The following RHEX variants were observed in gnomAD, a reference collection of about 807,000 sequenced individuals.
RHEX encodes regulator of hemoglobinization and erythroid cell expansion.
RHEX carries 18 observed loss-of-function variants against 20.1 expected under a neutral mutation model. The observed-to-expected ratio is 0.90, with a 90% CI of 0.62 to 1.33. RHEX has a LOEUF of 1.33. Ranked by LOEUF, RHEX falls within the 40% of genes most tolerant of loss-of-function variation. RHEX has a pLI of 0.00. For missense variants in RHEX, 192 were observed against 214.3 expected (o/e 0.90, Z 0.65); for synonymous variants, 87 against 77.1 (o/e 1.13, Z -0.67).
At chr1:206,068,674 C>A (rs184267702) in intron 1 of RHEX, among the ~76,000 whole-genome samples, 1 of 152,222 alleles carries the variant, frequency 6.6e-6, no homozygotes, top group Admixed American at 6.5e-5. Flanking sequence ...AGGGATTGAG[C>A]CAATTGTATA....
At chr1:206,063,515 C>T (rs973538945) in intron 1 of RHEX, among the ~76,000 whole-genome samples, 1 of 152,236 alleles carries the variant, frequency 6.6e-6, no homozygotes, top group African/African-American at 2.4e-5. Flanking sequence ...CCTCAGCCTG[C>T]GGAGTGCCTG....
chr1:206,081,152 A>T (rs1553285845), intron 1 of RHEX, among the ~76,000 whole-genome samples: 1 of 152,152 alleles, frequency 6.6e-6, no homozygotes, highest in Non-Finnish European at 1.5e-5. Context: ...TCATCTTCTC[A>T]TCATCGGCAA....
chr1:206,080,924 TCCC>T (rs1571864666), intron 1 of RHEX, among the ~76,000 whole-genome samples: 2 of 152,098 alleles, frequency 1.3e-5, no homozygotes, highest in East Asian at 3.9e-4. Context: ...CACCTCAGCC[TCCC>T]GAGTAGCTGG....
At chr1:206,059,606 G>A (rs551622721) in intron 1 of RHEX, among the ~76,000 whole-genome samples, 1 of 151,404 alleles carries the variant, frequency 6.6e-6, no homozygotes, top group Non-Finnish European at 1.5e-5. Flanking sequence ...GAAGGAGACT[G>A]AATGCAGATA....
At position 206,102,052 on chromosome 1, in the gene RHEX, C is replaced by G. The variant is rs1227680097; in HGVS notation, c.*100C>G. The G allele has an allele frequency of 2.4e-5, 24 of 979,740 alleles. No homozygotes were observed. The highest frequency in any genetic ancestry group is 3.8e-5 in the Non-Finnish European group (24 of 629,422). The allele number at this position is 979,740 out of a possible 1,614,324, so 60.7% of individuals were successfully genotyped here. On this transcript the variant is annotated 3_prime_UTR_variant, in exon 6 of 6. Transcript: ENST00000331555. ...CCCCTTAAACAAGGCATGGGGCTCA[C>G]AAGTCTATGGAGACAGGCCAAAAAG...
intron 1 of RHEX, among the ~76,000 whole-genome samples, chr1:206,079,246 A>G (rs921940481): frequency 2.0e-5 from 3 of 152,232 alleles, no homozygotes; most frequent in African/African-American, 2.4e-5. Flanking sequence ...GTATATCATT[A>G]CTGAAAAAGT....
At chr1:206,080,545 G>A (rs1168118412) in intron 1 of RHEX, among the ~76,000 whole-genome samples, 3 of 152,160 alleles carry the variant, frequency 2.0e-5, no homozygotes, top group South Asian at 2.1e-4. Flanking sequence ...GTGTGTTATC[G>A]ACCTCGATCA....
intron 1 of RHEX, among the ~76,000 whole-genome samples, chr1:206,071,859 CAAAAAAA>C (rs1245558004): frequency 1.1e-4 from 5 of 47,318 alleles, no homozygotes; most frequent in East Asian, 5.9e-4. Context: ...TCCAACAACT[CAAAAAAA>C]AAAAAAAAAG....
intron 1 of RHEX, among the ~76,000 whole-genome samples, chr1:206,075,035 T>G (rs569877861): frequency 3.3e-5 from 5 of 152,362 alleles, no homozygotes; most frequent in Admixed American, 3.3e-4. Flanking sequence ...ATTCTCTGCC[T>G]GTGGTGTAAA....
At chr1:206,059,241 C>A (rs1553283020) in intron 1 of RHEX, among the ~76,000 whole-genome samples, 2 of 152,144 alleles carry the variant, frequency 1.3e-5, no homozygotes, top group African/African-American at 4.8e-5. Context: ...GTTTCCAAGA[C>A]CCCTTCCTAC....
At chr1:206,064,869 A>G (rs1553283996) in intron 1 of RHEX, among the ~76,000 whole-genome samples, 1 of 151,504 alleles carries the variant, frequency 6.6e-6, no homozygotes, top group African/African-American at 2.4e-5. Flanking sequence ...GAGAAATCGG[A>G]TGGTTGCCGT....
At chr1:206,064,646 G>C (rs1362129207) in intron 1 of RHEX, among the ~76,000 whole-genome samples, 3 of 148,992 alleles carry the variant, frequency 2.0e-5, no homozygotes, top group African/African-American at 4.9e-5. Context: ...CCGTCCCGGG[G>C]GGAGGTGGGG....
intron 1 of RHEX, chr1:206,062,092 C>G (rs1434705358): frequency 5.3e-5 from 8 of 152,258 alleles, no homozygotes; most frequent in African/African-American, 1.9e-4. Flanking sequence ...TGCCTGTAAT[C>G]CCAGCTACTT....
intron 1 of RHEX, among the ~76,000 whole-genome samples, chr1:206,097,190 G>A (rs1252208616): frequency 6.6e-6 from 1 of 152,150 alleles, no homozygotes; most frequent in Non-Finnish European, 1.5e-5. Flanking sequence ...TAATTTCCTG[G>A]AGTCTTTTCT....
intron 1 of RHEX, among the ~76,000 whole-genome samples, chr1:206,093,107 T>C (rs1158762939): frequency 6.6e-6 from 1 of 152,196 alleles, no homozygotes; most frequent in Admixed American, 6.5e-5. Flanking sequence ...TCCCCTTCTT[T>C]TGTTCTCCCT....
At chr1:206,073,458 A>G (rs1467629561) in intron 1 of RHEX, among the ~76,000 whole-genome samples, 1 of 152,154 alleles carries the variant, frequency 6.6e-6, no homozygotes, top group Non-Finnish European at 1.5e-5. Flanking sequence ...TCATTACTGC[A>G]CTTGAGAAAG....
chr1:206,059,154 C>T (rs1662257859), intron 1 of RHEX, among the ~76,000 whole-genome samples: 1 of 152,142 alleles, frequency 6.6e-6, no homozygotes, highest in Non-Finnish European at 1.5e-5. Flanking sequence ...CCCCACTCCC[C>T]CATACATCAT....
At chr1:206,054,484 G>T (rs899693601) in intron 1 of RHEX, among the ~76,000 whole-genome samples, 1 of 152,204 alleles carries the variant, frequency 6.6e-6, no homozygotes, top group African/African-American at 2.4e-5. Context: ...AACAATTATT[G>T]TTTTAAAAGT....
chr1:206,071,443 C>T (rs1662526385), intron 1 of RHEX, among the ~76,000 whole-genome samples: 1 of 150,740 alleles, frequency 6.6e-6, no homozygotes, highest in African/African-American at 2.4e-5. Flanking sequence ...AGGAACAATA[C>T]TTTGCGTCCT....
Sources: gnomAD v4.1 joint callset for allele counts (sites outside exome capture counted in the v4.1 genomes callset) on GRCh38, gnomAD v4.1.1 for gene constraint, MANE v1.5 for transcripts, NCBI Gene and HGNC (gene_info 2026-07-23, HGNC 2026-07-21) for gene names.